Variants in TARS3 observed in about 807,000 individuals in gnomAD.
The protein encoded by TARS3 is threonyl-tRNA synthetase 3, also known as threonine--tRNA ligase 2, cytoplasmic.
Under a neutral mutation model 103.5 loss-of-function variants are expected in TARS3, and 94 were observed. The ratio of observed to expected loss-of-function variants is 0.91; its 90% CI spans 0.77 to 1.08. The LOEUF is 1.08. Ranked by LOEUF, TARS3 falls within the 50% of genes least tolerant of loss-of-function variation. The pLI, the probability that TARS3 is intolerant of heterozygous loss-of-function variation, is 0.00. For missense variants in TARS3, 952 were observed against 995.2 expected, an observed-to-expected ratio of 0.96 and a Z score of 0.58; for synonymous variants, 416 against 355.4, an observed-to-expected ratio of 1.17 and a Z score of -1.92.
intron 3 of TARS3, among the ~76,000 whole-genome samples, chr15:101,719,568 A>T (rs1400311946): frequency 6.6e-6 from 1 of 152,206 alleles, no homozygotes; most frequent in East Asian, 1.9e-4. Flanking sequence ...CTATATTCCA[A>T]TTCTCTCTTA....
At chr15:101,664,669 C>G (rs973112954) in intron 15 of TARS3, among the ~76,000 whole-genome samples, 5 of 152,216 alleles carry the variant, frequency 3.3e-5, no homozygotes, top group African/African-American at 4.8e-5. Context: ...AGGATTTAAA[C>G]AAGACACAGC....
rs549428883 is a variant in TARS3 at position 101,724,388 on chromosome 15, C to A, written c.-1G>T. ...CCGCCGCCAGGGCCTCGGCCGCCAT[C>A]GCGGCCTCCCTCAGGCACCGACGCC... On this transcript the variant is annotated 5_prime_UTR_variant, in exon 1 of 19. Transcript: ENST00000335968. The A allele has an allele frequency of 0.021, 31,328 of 1,488,056 alleles. 502 individuals are homozygous for A. Among genetic ancestry groups the A allele is most frequent in the Middle Eastern group, 0.073 (381 of 5,218 alleles). The allele number at this position is 1,488,056 out of a possible 1,614,324, so 92.2% of individuals were successfully genotyped here. A position where few individuals can be genotyped will look rare whatever the true frequency, so the allele number is the denominator to read the frequency against.
chr15:101,656,101 A>G, intron 18 of TARS3: 2 of 1,249,642 alleles, frequency 1.6e-6, no homozygotes, highest in Non-Finnish European at 2.1e-6. Context: ...ATGGGGAGAA[A>G]TACTCCTGGT....
intron 13 of TARS3, among the ~76,000 whole-genome samples, chr15:101,672,082 C>G (rs1392581737): frequency 6.6e-6 from 1 of 152,102 alleles, no homozygotes; most frequent in Non-Finnish European, 1.5e-5. Context: ...CCAGCTTCTG[C>G]CTCCTGGTGA....
intron 18 of TARS3, among the ~76,000 whole-genome samples, chr15:101,655,156 G>A (rs992916244): frequency 3.3e-5 from 5 of 149,654 alleles, no homozygotes; most frequent in Non-Finnish European, 5.9e-5. Flanking sequence ...AGCTCTTACA[G>A]GCTCACACTG....
At chr15:101,678,581 A>C (rs1243665659) in intron 12 of TARS3, among the ~76,000 whole-genome samples, 4 of 152,116 alleles carry the variant, frequency 2.6e-5, no homozygotes, top group Non-Finnish European at 5.9e-5. Context: ...GCTCAGGTGA[A>C]GTACAAAAAC....
intron 11 of TARS3, among the ~76,000 whole-genome samples, chr15:101,685,445 A>C (rs1898428010): frequency 1.3e-5 from 2 of 152,220 alleles, no homozygotes; most frequent in African/African-American, 4.8e-5. Flanking sequence ...TATAAGATGC[A>C]TTTCAACTTC....
At chr15:101,683,552 C>T (rs1289373963) in intron 12 of TARS3, among the ~76,000 whole-genome samples, 3 of 152,134 alleles carry the variant, frequency 2.0e-5, no homozygotes, top group African/African-American at 7.2e-5. Flanking sequence ...ACTGGGTGTA[C>T]ACACATGTGT....
chr15:101,670,148 A>T (rs1320096672), intron 15 of TARS3, among the ~76,000 whole-genome samples: 1 of 152,246 alleles, frequency 6.6e-6, no homozygotes, highest in Admixed American at 6.5e-5. Flanking sequence ...CCATAAAAGA[A>T]AAAAATGGAG....
intron 1 of TARS3, among the ~76,000 whole-genome samples, chr15:101,723,464 T>A (rs892828367): frequency 6.6e-6 from 1 of 152,216 alleles, no homozygotes; most frequent in Admixed American, 6.5e-5. Context: ...AATGCACTAT[T>A]TCCTGAAGAT....
In TARS3 at chr15:101,699,546, T is replaced by C. The variant is rs1309216260; in HGVS notation, c.1320+1540A>G. 7.4e-5 allele frequency: 32 copies of C among 430,750 alleles called. No individual in the cohort carries two copies. The Admixed American group carries it at 8.3e-4, about 11-fold the overall frequency. The allele number at this position is 430,750 out of a possible 1,614,324, so 26.7% of individuals were successfully genotyped here. A position where few individuals can be genotyped will look rare whatever the true frequency, so the allele number is the denominator to read the frequency against. ...AAGGTGCCAGGGGCCATGCTGATTT[T>C]CCAGAGAAGACAGCACATCCAAATC... On this transcript the variant is annotated intron_variant, in intron 10 of 18. Coordinates refer to ENST00000335968, the MANE Select transcript of TARS3 (RefSeq NM_152334.3).
intron 10 of TARS3, among the ~76,000 whole-genome samples, chr15:101,694,337 G>C (rs1034363269): frequency 1.3e-5 from 2 of 152,230 alleles, no homozygotes; most frequent in Non-Finnish European, 2.9e-5. Flanking sequence ...CTGAGGAAAA[G>C]GATGCTTCCT....
intron 15 of TARS3, among the ~76,000 whole-genome samples, chr15:101,666,062 C>T (rs1897565921): frequency 6.6e-6 from 1 of 152,156 alleles, no homozygotes; most frequent in Admixed American, 6.5e-5. Context: ...TAATATTTAC[C>T]TCACTGTAAG....
At chr15:101,688,592 G>A (rs929725422) in intron 10 of TARS3, among the ~76,000 whole-genome samples, 2 of 152,072 alleles carry the variant, frequency 1.3e-5, no homozygotes, top group Non-Finnish European at 2.9e-5. Flanking sequence ...ATTTCTCATT[G>A]TAAAAAATAA....
At chr15:101,688,353 T>A (rs897201794) in intron 10 of TARS3, among the ~76,000 whole-genome samples, 1 of 152,188 alleles carries the variant, frequency 6.6e-6, no homozygotes, top group Non-Finnish European at 1.5e-5. Context: ...TTTCTTTCTC[T>A]AATGCTGGGA....
intron 4 of TARS3, 94 bp downstream of exon 4, chr15:101,714,746 C>G (rs1900051386): frequency 8.7e-7 from 1 of 1,153,502 alleles, no homozygotes; most frequent in Non-Finnish European, 1.2e-6. Flanking sequence ...CCCCAAAAAA[C>G]TCAACATTCG....
intron 9 of TARS3, among the ~76,000 whole-genome samples, chr15:101,701,655 T>C (rs1315201228): frequency 6.6e-6 from 1 of 152,170 alleles, no homozygotes; most frequent in Non-Finnish European, 1.5e-5. Context: ...ACACAACTAG[T>C]GAGTACAAGG....
rs1379795214 is a variant in TARS3 at position 101,653,597 on chromosome 15, C to A, written c.*985G>T. 1 of 152,220 alleles carries A rather than the reference C, an allele frequency of 6.6e-6. No homozygotes were observed. The highest frequency in any genetic ancestry group is 2.1e-4 in the South Asian group (1 of 4,830). The allele number at this position is 152,220 out of a possible 1,614,324, so 9.4% of individuals were successfully genotyped here. On this transcript the variant is annotated 3_prime_UTR_variant, in exon 19 of 19. Coordinates refer to ENST00000335968, the MANE Select transcript of TARS3 (RefSeq NM_152334.3). The stretch of plus-strand genomic sequence containing the variant: ...TCTGCACCTTATACTACTACACAAG[C>A]CTGATATATATTGTTTTGTTTGCCA...
chr15:101,709,361 T>C (rs903859338), intron 5 of TARS3, among the ~76,000 whole-genome samples: 4 of 152,242 alleles, frequency 2.6e-5, no homozygotes, highest in Non-Finnish European at 5.9e-5. Context: ...CCGCTATGCA[T>C]GGACTAACTT....
Sources: gnomAD v4.1 joint callset for allele counts (sites outside exome capture counted in the v4.1 genomes callset) on GRCh38, gnomAD v4.1.1 for gene constraint, MANE v1.5 for transcripts, NCBI Gene and HGNC (gene_info 2026-07-23, HGNC 2026-07-21) for gene names.